Variants in CADPS observed in about 807,000 individuals in gnomAD.
CADPS encodes the protein calcium-dependent secretion activator 1.
Under a neutral mutation model 167.3 loss-of-function variants are expected in CADPS, and 57 were observed. That is an observed-to-expected ratio of 0.34 (90% CI 0.28 to 0.42). The LOEUF (loss-of-function observed/expected upper bound fraction) is 0.42, where lower values mean the gene tolerates loss of function less well. Ranked by LOEUF, CADPS falls within the 20% of genes least tolerant of loss-of-function variation. The pLI, the probability that CADPS is intolerant of heterozygous loss-of-function variation, is 1.00. For missense variants in CADPS, 1,414 were observed against 1,738.1 expected, an observed-to-expected ratio of 0.81 and a Z score of 3.32; for synonymous variants, 676 against 635.3, an observed-to-expected ratio of 1.06 and a Z score of -0.96.
chr3:62,525,705 A>G (rs111905962), intron 13 of CADPS, among the ~76,000 whole-genome samples: 53 of 119,200 alleles, frequency 4.4e-4, no homozygotes, highest in African/African-American at 1.0e-3. Context: ...GTGTGTGTGT[A>G]TGTGTGTGTG....
chr3:62,637,314 G>C (rs1174031549), intron 6 of CADPS, among the ~76,000 whole-genome samples: 2 of 152,184 alleles, frequency 1.3e-5, no homozygotes, highest in African/African-American at 4.8e-5. Flanking sequence ...TAGCCATATG[G>C]TTCCAGCTAG....
At chr3:62,760,460 G>C (rs1367284823) in intron 2 of CADPS, among the ~76,000 whole-genome samples, 1 of 151,994 alleles carries the variant, frequency 6.6e-6, no homozygotes, top group East Asian at 1.9e-4. Context: ...CAGTGGTGCA[G>C]CTCACTGCAG....
intron 1 of CADPS, among the ~76,000 whole-genome samples, chr3:62,769,882 A>G (rs543024954): frequency 3.1e-4 from 47 of 152,236 alleles, no homozygotes; most frequent in African/African-American, 1.1e-3. Context: ...GTTCCTCATT[A>G]AAAAATTTGG....
chr3:62,845,358 AC>A (rs2077245551), intron 1 of CADPS, among the ~76,000 whole-genome samples: 1 of 152,180 alleles, frequency 6.6e-6, no homozygotes, highest in Admixed American at 6.5e-5. Flanking sequence ...CATAGAATCT[AC>A]CACTTACCAG....
intron 8 of CADPS, among the ~76,000 whole-genome samples, chr3:62,575,056 A>G (rs937721736): frequency 6.6e-6 from 1 of 152,226 alleles, no homozygotes; most frequent in Non-Finnish European, 1.5e-5. Flanking sequence ...ACAGCCTCAC[A>G]CTTTTCTGGA....
At chr3:62,649,952 T>C (rs2069656305) in intron 5 of CADPS, among the ~76,000 whole-genome samples, 1 of 152,174 alleles carries the variant, frequency 6.6e-6, no homozygotes, top group South Asian at 2.1e-4. Context: ...ATTGTACGGG[T>C]ATACCCCATT....
chr3:62,523,602 T>C (rs919680353), intron 13 of CADPS, among the ~76,000 whole-genome samples: 3 of 152,186 alleles, frequency 2.0e-5, no homozygotes, highest in African/African-American at 4.8e-5. Context: ...CTAAATTAAT[T>C]CAAAGCTTAC....
intron 3 of CADPS, among the ~76,000 whole-genome samples, chr3:62,667,037 G>GTTT (rs35606285): frequency 0.03 from 3,947 of 133,612 alleles, 159 homozygotes; most frequent in East Asian, 0.15. Context: ...TTCCAATCTT[G>GTTT]TTTTTTTTTT....
At chr3:62,707,624 T>A (rs2151714874) in intron 3 of CADPS, among the ~76,000 whole-genome samples, 1 of 152,304 alleles carries the variant, frequency 6.6e-6, no homozygotes, top group Admixed American at 6.5e-5. Flanking sequence ...CTGTAGCTAC[T>A]GAGCACTTGA....
chr3:62,776,738 T>C (rs1319575466), intron 1 of CADPS, among the ~76,000 whole-genome samples: 1 of 152,074 alleles, frequency 6.6e-6, no homozygotes, highest in Non-Finnish European at 1.5e-5. Context: ...ATCAGGAGAA[T>C]GTTTCAGGCT....
chr3:62,711,758 T>C (rs2083433204), intron 3 of CADPS, among the ~76,000 whole-genome samples: 1 of 152,236 alleles, frequency 6.6e-6, no homozygotes, highest in South Asian at 2.1e-4. Flanking sequence ...GGTTTGCTCA[T>C]TTCATTTGTT....
intron 21 of CADPS, among the ~76,000 whole-genome samples, chr3:62,484,030 C>G (rs1159945592): frequency 3.3e-5 from 5 of 152,094 alleles, no homozygotes; most frequent in Admixed American, 6.5e-5. Flanking sequence ...AAATTAGAAG[C>G]AAGCTTCATT....
chr3:62,463,559 T>C (rs948022468), intron 26 of CADPS, among the ~76,000 whole-genome samples: 1 of 152,170 alleles, frequency 6.6e-6, no homozygotes, highest in Non-Finnish European at 1.5e-5. Flanking sequence ...TGCCTTCCAG[T>C]GCCAGGCAAT....
At chr3:62,622,132 G>A (rs1356037661) in intron 6 of CADPS, among the ~76,000 whole-genome samples, 1 of 151,998 alleles carries the variant, frequency 6.6e-6, no homozygotes, top group African/African-American at 2.4e-5. Flanking sequence ...TCCTGGGTTG[G>A]TTTGGCCCGC....
intron 3 of CADPS, among the ~76,000 whole-genome samples, chr3:62,706,467 T>G (rs1366502705): frequency 6.6e-6 from 1 of 152,118 alleles, no homozygotes; most frequent in East Asian, 1.9e-4. Context: ...TATATGGGTT[T>G]GCTGAAACTG....
At chr3:62,833,540 G>A (rs1275299399) in intron 1 of CADPS, among the ~76,000 whole-genome samples, 1 of 151,918 alleles carries the variant, frequency 6.6e-6, no homozygotes, top group African/African-American at 2.4e-5. Flanking sequence ...ATGGCTACTG[G>A]TACCTTTTAA....
rs147208673 is a variant in CADPS, at chr3:62,516,255, C to T, written c.2458-73G>A. On this transcript the variant is annotated intron_variant, in intron 15 of 29. Coordinates refer to ENST00000383710, the MANE Select transcript of CADPS (RefSeq NM_003716.4). ...GTCACTCATCCATACTTCTTAGAAG[C>T]GTGAAAGTTTAAAATCAGTTCTTTG... 986 of 1,555,450 alleles carry T rather than the reference C, an allele frequency of 6.3e-4. 7 individuals carry two copies. In the African/African-American group the frequency reaches 9.9e-3, roughly 16 times the overall value.
intron 2 of CADPS, among the ~76,000 whole-genome samples, chr3:62,755,703 T>A (rs2083736197): frequency 6.6e-6 from 1 of 152,206 alleles, no homozygotes; most frequent in Non-Finnish European, 1.5e-5. Context: ...GGCCATGGCC[T>A]GCTTCCTTAT....
intron 6 of CADPS, among the ~76,000 whole-genome samples, chr3:62,623,691 C>T (rs1440665204): frequency 6.6e-6 from 1 of 152,040 alleles, no homozygotes; most frequent in African/African-American, 2.4e-5. Flanking sequence ...CTGAGCTAAC[C>T]CTTAGGTAAC....
Sources: gnomAD v4.1 joint callset for allele counts (sites outside exome capture counted in the v4.1 genomes callset) on GRCh38, gnomAD v4.1.1 for gene constraint, MANE v1.5 for transcripts, NCBI Gene and HGNC (gene_info 2026-07-23, HGNC 2026-07-21) for gene names.